ITGB3BP: variants seen among roughly 807,000 people sequenced by gnomAD.
ITGB3BP encodes the protein centromere protein R.
In ITGB3BP, 27 loss-of-function variants were observed where a neutral mutation model predicts 29.1. The ratio of observed to expected loss-of-function variants is 0.93; its 90% CI spans 0.68 to 1.28. The LOEUF (loss-of-function observed/expected upper bound fraction) is 1.28, where lower values mean the gene tolerates loss of function less well. ITGB3BP is among the 50% of genes most tolerant of loss of function. The pLI is 0.00. For synonymous variants in ITGB3BP, 61 were observed against 61.4 expected (o/e 0.99, Z 0.03); for missense variants, 192 against 200.2 (o/e 0.96, Z 0.25).
intron 7 of ITGB3BP, among the ~76,000 whole-genome samples, chr1:63,448,488 A>G (rs1644819495): frequency 6.6e-6 from 1 of 152,014 alleles, no homozygotes; most frequent in South Asian, 2.1e-4. Flanking sequence ...TGGAGGAAAA[A>G]TCACCTAATA....
intron 7 of ITGB3BP, chr1:63,453,662 T>C (rs1642890088): frequency 3.4e-6 from 1 of 293,700 alleles, no homozygotes; most frequent in Non-Finnish European, 6.2e-6. Flanking sequence ...TCAAATCTTA[T>C]GTTGAAGATT....
chr1:63,520,589 C>T (rs1165971815), intron 1 of ITGB3BP, among the ~76,000 whole-genome samples: 1 of 152,140 alleles, frequency 6.6e-6, no homozygotes, highest in Non-Finnish European at 1.5e-5. Flanking sequence ...TTTTAAAAAA[C>T]ATTTTAAGTA....
intron 3 of ITGB3BP, among the ~76,000 whole-genome samples, chr1:63,482,649 A>ATT (rs34619742): frequency 0.01 from 1,352 of 129,788 alleles, 34 homozygotes; most frequent in African/African-American, 0.035. Flanking sequence ...AACAATGTTA[A>ATT]TTTTTTTTTT....
chr1:63,484,100 T>C (rs1398097241), intron 3 of ITGB3BP, among the ~76,000 whole-genome samples: 2 of 152,180 alleles, frequency 1.3e-5, no homozygotes, highest in East Asian at 3.8e-4. Flanking sequence ...GGATCAAAAA[T>C]ACTTTGTTTA....
intron 1 of ITGB3BP, among the ~76,000 whole-genome samples, chr1:63,511,553 T>C (rs1646200155): frequency 6.6e-6 from 1 of 152,024 alleles, no homozygotes; most frequent in African/African-American, 2.4e-5. Flanking sequence ...CACTGACAGA[T>C]GAACCGATAA....
chr1:63,512,225 G>A (rs1023968815), intron 1 of ITGB3BP, among the ~76,000 whole-genome samples: 28 of 152,008 alleles, frequency 1.8e-4, no homozygotes, highest in African/African-American at 6.8e-4. Flanking sequence ...TTTATAGAGA[G>A]AGTAACTATG....
In ITGB3BP at chr1:63,461,387, T is replaced by C. The variant is rs574374826; in HGVS notation, c.255-6419A>G. On this transcript the variant is annotated intron_variant, in intron 4 of 8. Coordinates refer to ENST00000271002, the MANE Select transcript of ITGB3BP (RefSeq NM_014288.5). ...CTTAAACCCTTATTAGATATATAATTTGAAAATATTTTCTCCCATTCTGTG... is the reference window on the plus strand; with the variant it reads ...CTTAAACCCTTATTAGATATATAATCTGAAAATATTTTCTCCCATTCTGTG... Among the ~76,000 whole-genome samples the C allele has an allele frequency of 5.3e-5, 8 of 152,298 alleles. No homozygotes were observed. In the South Asian group the frequency reaches 1.7e-3, roughly 32 times the overall value.
Position 63,502,411 on chromosome 1 carries a change from A to G in ITGB3BP, c.48+6117T>C, listed in dbSNP as rs183974413. Among the ~76,000 whole-genome samples, 117 of 152,218 alleles carry G rather than the reference A, an allele frequency of 7.7e-4. 1 individual carries two copies. In the Middle Eastern group the frequency reaches 0.014, roughly 18 times the overall value. ...ATTAGTCTGTTTTCATGCTGCTGAT[A>G]AAGACATACCTGAGACTGGGAGGAA... On this transcript the variant is annotated intron_variant, in intron 2 of 8. Coordinates refer to ENST00000271002, the MANE Select transcript of ITGB3BP (RefSeq NM_014288.5).
At chr1:63,517,970 G>A (rs1000730480) in intron 1 of ITGB3BP, among the ~76,000 whole-genome samples, 2 of 152,138 alleles carry the variant, frequency 1.3e-5, no homozygotes, top group Non-Finnish European at 2.9e-5. Context: ...CAATCTGCCT[G>A]TCTCAGCCTC....
intron 2 of ITGB3BP, among the ~76,000 whole-genome samples, chr1:63,505,245 T>C (rs1365341807): frequency 1.3e-5 from 2 of 152,066 alleles, no homozygotes; most frequent in Non-Finnish European, 2.9e-5. Flanking sequence ...CTTGGGAGGG[T>C]GTATGTGTCG....
intron 4 of ITGB3BP, among the ~76,000 whole-genome samples, chr1:63,469,722 T>A (rs1004515236): frequency 1.3e-5 from 2 of 152,234 alleles, no homozygotes; most frequent in Non-Finnish European, 2.9e-5. Context: ...GGCAAGGCCA[T>A]GCAGTCCAAA....
intron 1 of ITGB3BP, among the ~76,000 whole-genome samples, chr1:63,522,349 AG>A (rs1646470355): frequency 6.6e-6 from 1 of 152,202 alleles, no homozygotes; most frequent in African/African-American, 2.4e-5. Context: ...AAATAAACTA[AG>A]GAACAGGTTA....
Position 63,523,130 on chromosome 1 carries a change from G to C in ITGB3BP, c.4C>G (p.Pro2Ala), listed in dbSNP as rs1332695217. The stretch of plus-strand genomic sequence containing the variant: ...AATACCTGGGGAGGAGATACCTACG[G>C]CATTCTGAGATTCGGGAAAGCACCA... M[P>A]VKRSLKLDGL... is the part of the protein sequence containing the mutation. The change falls in exon 1 of 9, where the codon CCT becomes GCT. Residue 2 changes from proline (P) to alanine (A), a missense_variant and splice_region_variant. Transcript: ENST00000271002. The C allele has an allele frequency of 6.2e-7, 1 of 1,614,168 alleles. No individual in the cohort carries two copies. Among genetic ancestry groups the C allele is most frequent in the Admixed American group, 1.7e-5 (1 of 60,028 alleles).
intron 8 of ITGB3BP, among the ~76,000 whole-genome samples, chr1:63,441,571 C>T (rs1435958655): frequency 6.6e-6 from 1 of 151,966 alleles, no homozygotes; most frequent in Non-Finnish European, 1.5e-5. Flanking sequence ...TAGTAACTGT[C>T]AATATGACTA....
At chr1:63,446,618 T>C in intron 8 of ITGB3BP, 188 bp downstream of exon 8, 1 of 573,750 alleles carries the variant, frequency 1.7e-6, no homozygotes, top group Non-Finnish European at 3.2e-6. Flanking sequence ...CTCTAACTGA[T>C]GTCAGATGCC....
At chr1:63,501,240 G>A (rs982871166) in intron 2 of ITGB3BP, among the ~76,000 whole-genome samples, 29 of 152,130 alleles carry the variant, frequency 1.9e-4, no homozygotes, top group African/African-American at 6.8e-4. Flanking sequence ...AAAACTCTTA[G>A]AAACGTAGAT....
intron 1 of ITGB3BP, among the ~76,000 whole-genome samples, chr1:63,511,841 A>C (rs370844522): frequency 2.0e-5 from 3 of 152,238 alleles, no homozygotes; most frequent in Admixed American, 6.5e-5. Context: ...AAGATGAAAA[A>C]AAATTCTAGA....
At chr1:63,525,646 A>T, upstream of ITGB3BP, 1 of 1,604,132 alleles carries the variant, frequency 6.2e-7, no homozygotes, top group Non-Finnish European at 8.5e-7. Flanking sequence ...CCTCGAACAA[A>T]GAAATTTCCA....
chr1:63,445,718 C>T (rs1221758471), intron 8 of ITGB3BP, among the ~76,000 whole-genome samples: 1 of 151,834 alleles, frequency 6.6e-6, no homozygotes, highest in Non-Finnish European at 1.5e-5. Context: ...ACTCAGCCTC[C>T]TAAGTAGCTG....
Sources: gnomAD v4.1 joint callset for allele counts (sites outside exome capture counted in the v4.1 genomes callset) on GRCh38, gnomAD v4.1.1 for gene constraint, MANE v1.5 for transcripts, NCBI Gene and HGNC (gene_info 2026-07-23, HGNC 2026-07-21) for gene names.